Variants in NTPCR observed in about 807,000 individuals in gnomAD.
The protein encoded by NTPCR is cancer-related nucleoside-triphosphatase.
A neutral mutation model predicts 19.5 loss-of-function variants in NTPCR; 15 were observed. That is an observed-to-expected ratio of 0.77 (90% CI 0.51 to 1.18). The LOEUF is 1.18. Ranked by LOEUF, NTPCR falls within the 50% of genes most tolerant of loss-of-function variation. The pLI, the probability that NTPCR is intolerant of heterozygous loss-of-function variation, is 0.00. For missense variants in NTPCR, 206 were observed against 240.4 expected (o/e 0.86, Z 0.95); for synonymous variants, 90 against 95.8 (o/e 0.94, Z 0.36).
chr1:232,976,458 G>A, intron 4 of NTPCR: 3 of 1,550,536 alleles, frequency 1.9e-6, no homozygotes, highest in Non-Finnish European at 2.6e-6. Flanking sequence ...ACTCAGAGTG[G>A]AAGAAAAGGG....
intron 3 of NTPCR, chr1:232,969,392 G>C (rs1260548665): frequency 1.3e-5 from 2 of 155,290 alleles, no homozygotes; most frequent in Non-Finnish European, 2.9e-5. Context: ...CAGCAAGCAT[G>C]GGAGCCTTTG....
intron 4 of NTPCR, among the ~76,000 whole-genome samples, chr1:232,975,927 A>C (rs1045584258): frequency 3.9e-5 from 6 of 152,196 alleles, no homozygotes; most frequent in African/African-American, 1.4e-4. Context: ...AATTTCACAT[A>C]AGGCAAAGAC....
rs1669261211 is a variant in NTPCR, at chr1:232,980,736, T to A, written c.*2505T>A. 6.8e-6 allele frequency: 1 copy of A among 147,248 alleles called. No individual in the cohort carries two copies. Among genetic ancestry groups the A allele is most frequent in the Non-Finnish European group, 1.5e-5 (1 of 66,562 alleles). The allele number at this position is 147,248 out of a possible 1,614,324, so 9.1% of individuals were successfully genotyped here. On this transcript the variant is annotated 3_prime_UTR_variant, in exon 5 of 5. Transcript: ENST00000366628. ...TGCTGAGATTTAAAGGAAGAAGAGG[T>A]GCCGTGGCAGAACTCCACGTGACCG...
Position 232,982,966 on chromosome 1 carries a change from T to C in NTPCR, c.*4735T>C, listed in dbSNP as rs1257970253. On this transcript the variant is annotated 3_prime_UTR_variant, in exon 5 of 5. Coordinates refer to ENST00000366628, the MANE Select transcript of NTPCR (RefSeq NM_032324.3). Reference sequence around the variant, plus strand: ...ATTAGACAAACAACTGCATTTAAATTAAATAAAGTTTGCACCTCTAGGGAG... The same window carrying C: ...ATTAGACAAACAACTGCATTTAAATCAAATAAAGTTTGCACCTCTAGGGAG... 1.2e-4 allele frequency: 18 copies of C among 152,262 alleles called. No homozygotes were observed. In the East Asian group the frequency reaches 3.3e-3, roughly 28 times the overall value. The allele number at this position is 152,262 out of a possible 1,614,324, so 9.4% of individuals were successfully genotyped here.
chr1:232,950,919 G>A (rs1424167980), intron 1 of NTPCR, 175 bp downstream of exon 1: 3 of 573,784 alleles, frequency 5.2e-6, no homozygotes, highest in East Asian at 6.3e-5. Flanking sequence ...CCCGGAAAAC[G>A]TGATTTAAAA....
Position 232,980,628 on chromosome 1 carries a change from A to G in NTPCR, c.*2397A>G, listed in dbSNP as rs548585500. On this transcript the variant is annotated 3_prime_UTR_variant, in exon 5 of 5. Coordinates refer to ENST00000366628, the MANE Select transcript of NTPCR (RefSeq NM_032324.3). ...GATGCAATCCCTGTATTGTAAGGCAATGACATTTAATGAAGGATAAGATGA... is the reference window on the plus strand; with the variant it reads ...GATGCAATCCCTGTATTGTAAGGCAGTGACATTTAATGAAGGATAAGATGA... 38 of 152,362 alleles carry G rather than the reference A, an allele frequency of 2.5e-4. No homozygotes were observed. Among genetic ancestry groups the G allele is most frequent in the African/African-American group, 9.1e-4 (38 of 41,576 alleles). The allele number at this position is 152,362 out of a possible 1,614,324, so 9.4% of individuals were successfully genotyped here. A position where few individuals can be genotyped will look rare whatever the true frequency, so the allele number is the denominator to read the frequency against.
chr1:232,968,165 G>C (rs1052899337), intron 3 of NTPCR: 9 of 152,138 alleles, frequency 5.9e-5, no homozygotes, highest in South Asian at 2.1e-4. Flanking sequence ...GCCCTAAGTG[G>C]GGAGACCAGG....
intron 2 of NTPCR, among the ~76,000 whole-genome samples, 180 bp downstream of exon 2, chr1:232,955,899 G>A (rs1668499504): frequency 6.6e-6 from 1 of 152,150 alleles, no homozygotes; most frequent in Admixed American, 6.5e-5. Context: ...TGAGCCAAAT[G>A]TTGTCATCTA....
rs80182190 is a variant in NTPCR at position 232,953,636 on chromosome 1, G to A, written c.35-1921G>A. Among the ~76,000 whole-genome samples the A allele has an allele frequency of 6.0e-3, 910 of 151,970 alleles. 9 individuals are homozygous for A. Among genetic ancestry groups the A allele is most frequent in the Admixed American group, 0.016 (244 of 15,266 alleles). On this transcript the variant is annotated intron_variant, in intron 1 of 4. Coordinates refer to ENST00000366628, the MANE Select transcript of NTPCR (RefSeq NM_032324.3). ...AAAAAAACAAGAAAAGTTTAAGGAA[G>A]AAAGTGACAATCACAGGGAATTTGA... is the stretch of plus-strand genomic sequence containing the variant.
intron 3 of NTPCR, chr1:232,968,383 T>G (rs1229607519): frequency 1.3e-5 from 2 of 152,234 alleles, no homozygotes; most frequent in Non-Finnish European, 2.9e-5. Context: ...TGAAAAACAC[T>G]GCTGTACTGC....
chr1:232,966,858 GGTT>G (rs1196349413), intron 3 of NTPCR: 1 of 152,528 alleles, frequency 6.6e-6, no homozygotes, highest in Non-Finnish European at 1.5e-5. Flanking sequence ...ATGCTGCCTG[GGTT>G]GTTCTCTGAG....
intron 1 of NTPCR, among the ~76,000 whole-genome samples, chr1:232,952,230 G>A (rs1038472287): frequency 7.9e-5 from 12 of 152,068 alleles, no homozygotes; most frequent in African/African-American, 2.9e-4. Context: ...TTATTTTAGA[G>A]ACAGGATCTT....
In NTPCR at chr1:232,965,791, A is replaced by G. The variant is rs1254389991; in HGVS notation, c.295-4118A>G. On this transcript the variant is annotated intron_variant, in intron 3 of 4. Transcript: ENST00000366628. ...GTCCCAAGATAGCTTGGAAAACCCC[A>G]TGGCTACCATTCAAGCGCTCTTCAG... The G allele has an allele frequency of 4.6e-5, 7 of 152,160 alleles. No individual in the cohort carries two copies. In the East Asian group the frequency reaches 9.7e-4, roughly 21 times the overall value. The allele number at this position is 152,160 out of a possible 1,614,324, so 9.4% of individuals were successfully genotyped here. A position where few individuals can be genotyped will look rare whatever the true frequency, so the allele number is the denominator to read the frequency against.
intron 4 of NTPCR, among the ~76,000 whole-genome samples, chr1:232,977,679 T>A (rs1373367506): frequency 6.6e-6 from 1 of 152,150 alleles, no homozygotes; most frequent in Non-Finnish European, 1.5e-5. Context: ...AAATGAGCAC[T>A]TGATGTTTGT....
intron 1 of NTPCR, among the ~76,000 whole-genome samples, chr1:232,952,339 AGC>A (rs574381053): frequency 4.1e-4 from 62 of 151,604 alleles, no homozygotes; most frequent in African/African-American, 1.4e-3. Context: ...CCTCCTGAAT[AGC>A]TGGATCTACA....
At chr1:232,960,055 A>G (rs1238022473) in intron 3 of NTPCR, among the ~76,000 whole-genome samples, 1 of 151,730 alleles carries the variant, frequency 6.6e-6, no homozygotes, top group Admixed American at 6.6e-5. Context: ...TACTAAAAAC[A>G]AAAACAAAAA....
chr1:232,977,923 G>C (rs190659609), intron 4 of NTPCR, among the ~76,000 whole-genome samples: 358 of 152,298 alleles, frequency 2.4e-3, no homozygotes, highest in African/African-American at 7.6e-3. Context: ...GCTGAAATCT[G>C]TCTGGGCTCC....
intron 3 of NTPCR, among the ~76,000 whole-genome samples, chr1:232,956,914 C>G (rs552640872): frequency 2.4e-4 from 37 of 152,208 alleles, no homozygotes; most frequent in Admixed American, 1.6e-3. Context: ...TTCTTTCTTT[C>G]TACTTTGAAT....
At chr1:232,969,336 A>G (rs1391300222) in intron 3 of NTPCR, 3 of 155,138 alleles carry the variant, frequency 1.9e-5, no homozygotes, top group Non-Finnish European at 4.3e-5. Context: ...ATATACAACC[A>G]GAAAATAAGT....
Sources: gnomAD v4.1 joint callset for allele counts (sites outside exome capture counted in the v4.1 genomes callset) on GRCh38, gnomAD v4.1.1 for gene constraint, MANE v1.5 for transcripts, NCBI Gene and HGNC (gene_info 2026-07-23, HGNC 2026-07-21) for gene names.